Variants in LRCH1 observed in about 807,000 individuals in gnomAD.
LRCH1 encodes leucine-rich repeat and calponin homology domain-containing protein 1.
Under a neutral mutation model 94.9 loss-of-function variants are expected in LRCH1, and 23 were observed. That is an observed-to-expected ratio of 0.24 (90% CI 0.17 to 0.34). The LOEUF (loss-of-function observed/expected upper bound fraction) is 0.34, where lower values mean the gene tolerates loss of function less well. Ranked by LOEUF, LRCH1 falls within the 10% of genes least tolerant of loss-of-function variation. The probability of loss-of-function intolerance (pLI) is 1.00; values close to 1 mark genes in which losing one functional copy is unlikely to be tolerated. For synonymous variants in LRCH1, 364 were observed against 354.9 expected, an observed-to-expected ratio of 1.03 and a Z score of -0.29; for missense variants, 790 against 945.9, an observed-to-expected ratio of 0.84 and a Z score of 2.16.
At chr13:46,647,134 C>T (rs577518074) in intron 1 of LRCH1, among the ~76,000 whole-genome samples, 1 of 148,036 alleles carries the variant, frequency 6.8e-6, no homozygotes, top group Admixed American at 6.7e-5. Context: ...AAAAAAGAAA[C>T]CATGCTAAAA....
chr13:46,651,878 TTTTG>T (rs2051306306), intron 2 of LRCH1, among the ~76,000 whole-genome samples: 3 of 135,976 alleles, frequency 2.2e-5, no homozygotes, highest in African/African-American at 8.0e-5. Context: ...GTTTTGTTTT[TTTTG>T]TTTTGTTTTG....
Position 46,742,144 on chromosome 13 carries a change from T to C in LRCH1, c.*296T>C. The stretch of plus-strand genomic sequence containing the variant: ...AGCAGCAGTGCCACGCAGTTCCTCC[T>C]CTCCCTCCCGGTGAGCTGCTGCCCT... On this transcript the variant is annotated 3_prime_UTR_variant, in exon 20 of 20. Transcript: ENST00000389797. 4.1e-6 allele frequency: 5 copies of C among 1,213,620 alleles called. No individual in the cohort carries two copies. The highest frequency in any genetic ancestry group is 5.2e-6 in the Non-Finnish European group (5 of 968,852). The allele number at this position is 1,213,620 out of a possible 1,614,324, so 75.2% of individuals were successfully genotyped here.
At chr13:46,733,878 C>T (rs760465550) in intron 18 of LRCH1, 43 bp from the exon 19 acceptor site, 6 of 1,218,352 alleles carry the variant, frequency 4.9e-6, no homozygotes, top group Non-Finnish European at 7.0e-6. Flanking sequence ...AAAATGGTTT[C>T]TCTTTTAAAT....
chr13:46,632,555 T>A (rs2051031717), intron 1 of LRCH1, among the ~76,000 whole-genome samples: 1 of 152,194 alleles, frequency 6.6e-6, no homozygotes, highest in Non-Finnish European at 1.5e-5. Flanking sequence ...TTTCAAATTG[T>A]TTACAAGACA....
At chr13:46,555,210 G>A (rs907869604) in intron 1 of LRCH1, among the ~76,000 whole-genome samples, 1 of 152,128 alleles carries the variant, frequency 6.6e-6, no homozygotes, top group African/African-American at 2.4e-5. Context: ...TTCTCAAGTG[G>A]AACTTATTCC....
rs2050018193 is a variant in LRCH1, at chr13:46,553,226, C to CG, written c.-171_-170insG. The CG allele has an allele frequency of 1.9e-4, 102 of 543,482 alleles. No individual in the cohort carries two copies. Among genetic ancestry groups the CG allele is most frequent in the East Asian group, 4.2e-4 (12 of 28,730 alleles). 33.7% of individuals were successfully genotyped at this position (543,482 alleles called of 1,614,324 possible). ...TTCAAGACCGAGCTGCCACGGCCGC[C>CG]TCCCCGCCCGCCCCCCATTCTACGC... On this transcript the variant is annotated 5_prime_UTR_variant, in exon 1 of 20. Coordinates refer to ENST00000389797, the MANE Select transcript of LRCH1 (RefSeq NM_001164211.2).
At chr13:46,570,215 C>T (rs905757140) in intron 1 of LRCH1, among the ~76,000 whole-genome samples, 3 of 152,270 alleles carry the variant, frequency 2.0e-5, no homozygotes, top group African/African-American at 7.2e-5. Flanking sequence ...CACATGGCTA[C>T]TAAGTGGCAA....
chr13:46,695,383 A>G (rs1352392543), intron 9 of LRCH1, among the ~76,000 whole-genome samples: 1 of 152,244 alleles, frequency 6.6e-6, no homozygotes, highest in Non-Finnish European at 1.5e-5. Flanking sequence ...TATAGTGTGA[A>G]GACAAAAGTG....
rs1424742323 is a variant in LRCH1 at position 46,652,073 on chromosome 13, T to G, written c.452+1728T>G. ...TGCTGATGTTTTTTTTTTTTTTTTT[T>G]TTGTTTTGTTTTGTTTGTTTTGAGA... is the stretch of plus-strand genomic sequence containing the variant. On this transcript the variant is annotated intron_variant, in intron 2 of 19. Coordinates refer to ENST00000389797, the MANE Select transcript of LRCH1 (RefSeq NM_001164211.2). Among the ~76,000 whole-genome samples, 7 of 130,264 alleles carry G rather than the reference T, an allele frequency of 5.4e-5. 1 individual carries two copies. The highest frequency in any genetic ancestry group is 1.5e-4 in the Admixed American group (2 of 12,928). The allele number at this position is 130,264 out of a possible 152,430, so 85.5% of individuals were successfully genotyped here.
chr13:46,556,071 T>C (rs2050061870), intron 1 of LRCH1, among the ~76,000 whole-genome samples: 1 of 152,258 alleles, frequency 6.6e-6, no homozygotes, highest in Admixed American at 6.5e-5. Context: ...ACTTTAAGAA[T>C]GTCTCTTAAA....
rs1159885557 is a variant in LRCH1, at chr13:46,728,980, C to A, written c.2003C>A (p.Ala668Glu). The change falls in exon 18 of 20, where the codon GCG becomes GAG. Residue 668 changes from alanine (A) to glutamate (E), a missense_variant. Transcript: ENST00000389797. ...GCAAGCATCCATGTCCCATCACCAGCGGTTGTAAGTAACACCAAAGGGAAA... is the reference window on the plus strand; with the variant it reads ...GCAAGCATCCATGTCCCATCACCAGAGGTTGTAAGTAACACCAAAGGGAAA... ...SVASIHVPSP[A>E]VPKLSMAKCR... The A allele has an allele frequency of 1.2e-6, 2 of 1,611,894 alleles. No homozygotes were observed. Among genetic ancestry groups the A allele is most frequent in the Non-Finnish European group, 1.7e-6 (2 of 1,178,772 alleles).
At chr13:46,633,105 TC>T (rs1454088136) in intron 1 of LRCH1, among the ~76,000 whole-genome samples, 3 of 152,214 alleles carry the variant, frequency 2.0e-5, no homozygotes, top group Admixed American at 6.5e-5. Context: ...AAAATGTCTT[TC>T]TTATCAGTGC....
chr13:46,689,611 A>G (rs1050185826), intron 7 of LRCH1, among the ~76,000 whole-genome samples: 2 of 152,188 alleles, frequency 1.3e-5, no homozygotes, highest in Non-Finnish European at 2.9e-5. Flanking sequence ...ATGTTAAGGA[A>G]TCAACTGTAC....
At chr13:46,563,212 G>A (rs1173602976) in intron 1 of LRCH1, among the ~76,000 whole-genome samples, 2 of 152,054 alleles carry the variant, frequency 1.3e-5, no homozygotes, top group Non-Finnish European at 2.9e-5. Flanking sequence ...AAATATAAAG[G>A]CATAGTTCCA....
chr13:46,571,987 T>C (rs1353645852), intron 1 of LRCH1, among the ~76,000 whole-genome samples: 4 of 152,138 alleles, frequency 2.6e-5, no homozygotes, highest in Non-Finnish European at 5.9e-5. Context: ...GGGAGTTATT[T>C]TTGGAGAGGA....
At chr13:46,580,607 A>T (rs2050354320) in intron 1 of LRCH1, among the ~76,000 whole-genome samples, 1 of 152,250 alleles carries the variant, frequency 6.6e-6, no homozygotes, top group Non-Finnish European at 1.5e-5. Context: ...CACCTTTTGT[A>T]GCAGGGCTTG....
At chr13:46,576,810 C>A (rs2050309791) in intron 1 of LRCH1, among the ~76,000 whole-genome samples, 1 of 152,094 alleles carries the variant, frequency 6.6e-6, no homozygotes, top group African/African-American at 2.4e-5. Flanking sequence ...AGAAATTGCC[C>A]CAAATTTGGT....
intron 9 of LRCH1, among the ~76,000 whole-genome samples, chr13:46,695,511 G>T (rs934911397): frequency 5.3e-5 from 8 of 152,098 alleles, no homozygotes; most frequent in African/African-American, 1.9e-4. Context: ...TGAAGTTGCC[G>T]AGTTGTCAGG....
chr13:46,648,624 T>G (rs1033861864), intron 1 of LRCH1, among the ~76,000 whole-genome samples: 1 of 152,180 alleles, frequency 6.6e-6, no homozygotes, highest in Non-Finnish European at 1.5e-5. Flanking sequence ...TCTGGAAGTA[T>G]TTTTTTGTTT....
Sources: allele counts gnomAD v4.1 joint callset (sites outside exome capture counted in the v4.1 genomes callset), GRCh38; gene constraint gnomAD v4.1.1; transcripts MANE v1.5; gene names NCBI Gene and HGNC (gene_info 2026-07-23, HGNC 2026-07-21).